The following GABRP variants were observed in gnomAD, a reference collection of about 807,000 sequenced individuals.
The protein encoded by GABRP is gamma-aminobutyric acid type A receptor subunit pi.
A neutral mutation model predicts 47.8 loss-of-function variants in GABRP; 52 were observed. The observed-to-expected ratio is 1.09, with a 90% confidence interval of 0.87 to 1.37. The LOEUF (loss-of-function observed/expected upper bound fraction) is 1.37. Ranked by LOEUF, GABRP falls within the 40% of genes most tolerant of loss-of-function variation. The pLI is 0.00. For missense variants in GABRP, 525 were observed against 542.8 expected (o/e 0.97, Z 0.33); for synonymous variants, 221 against 205.8 (o/e 1.07, Z -0.63).
At chr5:170,794,867 A>C (rs1457591407) in intron 4 of GABRP, among the ~76,000 whole-genome samples, 1 of 151,888 alleles carries the variant, frequency 6.6e-6, no homozygotes, top group Non-Finnish European at 1.5e-5. Context: ...CTTAGTGATC[A>C]GTGCAATGTG....
rs969054815 is a variant in GABRP at position 170,802,053 on chromosome 5, T to A, written c.542-3663T>A. Among the ~76,000 whole-genome samples the A allele has an allele frequency of 2.0e-5, 3 of 151,982 alleles. No homozygotes were observed. The East Asian group carries it at 5.8e-4, about 29-fold the overall frequency. On this transcript the variant is annotated intron_variant, in intron 6 of 9. Transcript: ENST00000265294. ...ATTTATCACTCGTGCTTCCAACTTT[T>A]AAAAAAAATTGCTTGATAGATATAA... is the stretch of plus-strand genomic sequence containing the variant.
rs973794030 is a variant in GABRP at position 170,813,140 on chromosome 5, A to G, written c.*882A>G. ...CATGAAGGCTTGCAGAATTGAGTCC[A>G]TTTTCTAGCTGCCTTTATTCACATA... On this transcript the variant is annotated 3_prime_UTR_variant, in exon 10 of 10. Coordinates refer to ENST00000265294, the MANE Select transcript of GABRP (RefSeq NM_014211.3). The G allele has an allele frequency of 2.0e-5, 3 of 152,106 alleles. No individual in the cohort carries two copies. The highest frequency in any genetic ancestry group is 4.8e-5 in the African/African-American group (2 of 41,422). The allele number at this position is 152,106 out of a possible 1,614,324, so 9.4% of individuals were successfully genotyped here. A position where few individuals can be genotyped will look rare whatever the true frequency, so the allele number is the denominator to read the frequency against.
At chr5:170,810,000 G>A (rs1243946604) in intron 9 of GABRP, 4 of 701,200 alleles carry the variant, frequency 5.7e-6, no homozygotes, top group Middle Eastern at 2.4e-4. Context: ...TATGTTATCT[G>A]TATGCAGCAT....
rs1433795865 is a variant in GABRP, at chr5:170,809,688, T to C, written c.953T>C (p.Phe318Ser). ...VYLGICFSFV[F>S]GALLEYAVAH... Reference sequence around the variant, plus strand: ...CTGGGGATCTGCTTTAGCTTTGTGTTTGGGGCCTTGCTAGAATATGCAGTT... The same window carrying C: ...CTGGGGATCTGCTTTAGCTTTGTGTCTGGGGCCTTGCTAGAATATGCAGTT... The change falls in exon 9 of 10, where the codon TTT becomes TCT. Residue 318 changes from phenylalanine (F) to serine (S), a missense_variant. Coordinates refer to ENST00000265294, the MANE Select transcript of GABRP (RefSeq NM_014211.3). 1 of 1,613,498 alleles carries C rather than the reference T, an allele frequency of 6.2e-7. No homozygotes were observed. Among genetic ancestry groups the C allele is most frequent in the Non-Finnish European group, 8.5e-7 (1 of 1,179,698 alleles).
At chr5:170,810,973 T>C (rs1450079046) in intron 9 of GABRP, among the ~76,000 whole-genome samples, 1 of 151,574 alleles carries the variant, frequency 6.6e-6, no homozygotes. Context: ...ATTGGCAAAA[T>C]GGACATTGGT....
chr5:170,797,414 C>A, intron 5 of GABRP, 52 bp from the exon 6 acceptor site: 1 of 1,168,512 alleles, frequency 8.6e-7, no homozygotes, highest in Non-Finnish European at 1.3e-6. Context: ...GGAATGTGAA[C>A]TTTCTATAAC....
chr5:170,783,513 T>C (rs761339653), upstream of GABRP, among the ~76,000 whole-genome samples: 66 of 151,994 alleles, frequency 4.3e-4, 1 homozygote, highest in Admixed American at 1.0e-3. Context: ...CTGGCAGAGG[T>C]CTGGGAGCAT....
intron 5 of GABRP, among the ~76,000 whole-genome samples, chr5:170,796,833 A>C (rs1263773719): frequency 6.6e-6 from 1 of 152,214 alleles, no homozygotes; most frequent in Non-Finnish European, 1.5e-5. Flanking sequence ...ATGCTGAATA[A>C]AAATGTATGA....
At chr5:170,788,500 CAGAG>C in intron 1 of GABRP, 70 bp from the exon 2 acceptor site, 1 of 984,400 alleles carries the variant, frequency 1.0e-6, no homozygotes, top group Non-Finnish European at 1.6e-6. Flanking sequence ...GACCACCCAC[CAGAG>C]AGAGAGGCTG....
chr5:170,810,350 A>G (rs543245658), intron 9 of GABRP, among the ~76,000 whole-genome samples: 23 of 152,326 alleles, frequency 1.5e-4, no homozygotes, highest in African/African-American at 5.1e-4. Flanking sequence ...TTTTGCAAAT[A>G]CTATATTATT....
Position 170,812,249 on chromosome 5 carries a change from G to C in GABRP, c.1314G>C (p.Met438Ile). 6.2e-7 allele frequency: 1 copy of C among 1,608,570 alleles called. No individual in the cohort carries two copies. The highest frequency in any genetic ancestry group is 1.1e-5 in the South Asian group (1 of 90,876). Residue 438 changes from methionine to isoleucine, a missense_variant, in exon 10 of 10, where the codon ATG becomes ATC. By Grantham distance (10) the Met-to-Ile change is conservative. Coordinates refer to ENST00000265294, the MANE Select transcript of GABRP (RefSeq NM_014211.3). ...LANVFYWAYY[M>I]YF is the part of the protein sequence containing the mutation. The stretch of plus-strand genomic sequence containing the variant: ...ATGTATTTTACTGGGCATACTACAT[G>C]TATTTTTGAGTCAATGTTAAATTTC...
intron 1 of GABRP, chr5:170,788,336 G>A (rs1765175940): frequency 6.1e-6 from 2 of 328,658 alleles, no homozygotes; most frequent in Non-Finnish European, 1.1e-5. Context: ...ATGACAGAGT[G>A]AGGCCCTGTT....
chr5:170,805,269 A>G (rs1299306392), intron 6 of GABRP, among the ~76,000 whole-genome samples: 3 of 152,110 alleles, frequency 2.0e-5, no homozygotes, highest in Non-Finnish European at 4.4e-5. Flanking sequence ...AGGCTTTAAT[A>G]AAGCAGGTTT....
intron 3 of GABRP, among the ~76,000 whole-genome samples, chr5:170,789,926 G>T (rs547063905): frequency 3.3e-5 from 5 of 152,038 alleles, no homozygotes; most frequent in Non-Finnish European, 5.9e-5. Flanking sequence ...CAGAGCAAAC[G>T]CTGCCTTCTC....
Position 170,810,069 on chromosome 5 carries a change from C to G in GABRP, c.1020+314C>G, listed in dbSNP as rs1166524116. The stretch of plus-strand genomic sequence containing the variant: ...GAATCCAATATGAAAAAAACATGAT[C>G]AGCTGCTTGCAAGTTTTATATTAAT... On this transcript the variant is annotated intron_variant, in intron 9 of 9. Coordinates refer to ENST00000265294, the MANE Select transcript of GABRP (RefSeq NM_014211.3). 3 of 643,190 alleles carry G rather than the reference C, an allele frequency of 4.7e-6. No homozygotes were observed. The East Asian group carries it at 8.2e-5, about 18-fold the overall frequency. 39.8% of individuals were successfully genotyped at this position (643,190 alleles called of 1,614,324 possible).
rs200592112 is a variant in GABRP, at chr5:170,788,594, T to C, written c.-22T>C. 1 of 1,613,886 alleles carries C rather than the reference T, an allele frequency of 6.2e-7. No homozygotes were observed. The highest frequency in any genetic ancestry group is 2.2e-5 in the East Asian group (1 of 44,856). On this transcript the variant is annotated 5_prime_UTR_variant, in exon 2 of 10. Transcript: ENST00000265294. Reference sequence around the variant, plus strand: ...CCCAGGTGATTCCTACTTCAGCCCCTTGGTGTGAGCAGCTTCTCAACATGA... The same window carrying C: ...CCCAGGTGATTCCTACTTCAGCCCCCTGGTGTGAGCAGCTTCTCAACATGA...
chr5:170,792,581 G>A (rs775470648), intron 3 of GABRP, among the ~76,000 whole-genome samples: 11 of 152,132 alleles, frequency 7.2e-5, no homozygotes, highest in South Asian at 2.1e-4. Flanking sequence ...CAGGCTTCTC[G>A]TCTCAGAGCT....
At chr5:170,792,699 T>C (rs1261585340) in intron 3 of GABRP, among the ~76,000 whole-genome samples, 1 of 152,172 alleles carries the variant, frequency 6.6e-6, no homozygotes, top group Non-Finnish European at 1.5e-5. Context: ...ATATTAACAT[T>C]CAATTATTGT....
At position 170,813,103 on chromosome 5, in the gene GABRP, A is replaced by G. The variant is rs941596425; in HGVS notation, c.*845A>G. The G allele has an allele frequency of 6.6e-6, 1 of 152,174 alleles. No individual in the cohort carries two copies. Among genetic ancestry groups the G allele is most frequent in the East Asian group, 1.9e-4 (1 of 5,192 alleles). The allele number at this position is 152,174 out of a possible 1,614,324, so 9.4% of individuals were successfully genotyped here. On this transcript the variant is annotated 3_prime_UTR_variant, in exon 10 of 10. Coordinates refer to ENST00000265294, the MANE Select transcript of GABRP (RefSeq NM_014211.3). ...TTTAACTTGTTCTAGAAGTCTTAAT[A>G]TGGGCTGTTGCCATGAAGGCTTGCA... is the stretch of plus-strand genomic sequence containing the variant.
Sources: gnomAD v4.1 joint callset for allele counts (sites outside exome capture counted in the v4.1 genomes callset) on GRCh38, gnomAD v4.1.1 for gene constraint, MANE v1.5 for transcripts, NCBI Gene and HGNC (gene_info 2026-07-23, HGNC 2026-07-21) for gene names.